RNF17: variants seen among roughly 807,000 people sequenced by gnomAD.
RNF17 encodes ring finger protein 17, also known as spermatogenesis associated 23.
Under a neutral mutation model 200.5 loss-of-function variants are expected in RNF17, and 31 were observed. The ratio of observed to expected loss-of-function variants is 0.15; its 90% confidence interval spans 0.12 to 0.21. The LOEUF is 0.21. Ranked by LOEUF, RNF17 falls within the 10% of genes least tolerant of loss-of-function variation. The probability of loss-of-function intolerance (pLI) is 1.00; values close to 1 mark genes in which losing one functional copy is unlikely to be tolerated. For missense variants in RNF17, 1,628 were observed against 1,905.1 expected (o/e 0.85, Z 2.71); for synonymous variants, 606 against 637.8 (o/e 0.95, Z 0.75).
rs975079269 is a variant in RNF17, at chr13:24,816,802, C to G, written c.2092-8817C>G. ...CCACGAGGGCATCTGCTAGTATAAA[C>G]AAGTTTCCTGTGAGACATACACTTG... On this transcript the variant is annotated intron_variant, in intron 15 of 35. Transcript: ENST00000255324. Among the ~76,000 whole-genome samples, 4 of 152,182 alleles carry G rather than the reference C, an allele frequency of 2.6e-5. No individual in the cohort carries two copies. The South Asian group carries it at 8.3e-4, about 32-fold the overall frequency.
chr13:24,834,913 C>G (rs1246765162), intron 18 of RNF17, among the ~76,000 whole-genome samples: 3 of 152,156 alleles, frequency 2.0e-5, no homozygotes, highest in Non-Finnish European at 2.9e-5. Context: ...AGCTGGGAGG[C>G]AGATAGCCTG....
chr13:24,869,815 G>A (rs1894053820), intron 31 of RNF17, among the ~76,000 whole-genome samples: 1 of 152,068 alleles, frequency 6.6e-6, no homozygotes, highest in South Asian at 2.1e-4. Flanking sequence ...ATCCAGGCTG[G>A]AGAGTGCAGT....
chr13:24,752,719 G>A, the RNF17 span, among the ~76,000 whole-genome samples: 1 of 152,254 alleles, frequency 6.6e-6, no homozygotes, highest in Non-Finnish European at 1.5e-5. Context: ...GAGCTCAGGT[G>A]GTAATGCTCG....
intron 2 of RNF17, among the ~76,000 whole-genome samples, chr13:24,773,614 T>C (rs1228878708): frequency 1.3e-5 from 2 of 152,102 alleles, no homozygotes; most frequent in Non-Finnish European, 2.9e-5. Flanking sequence ...GTTTGGGTCA[T>C]GGGATCAACA....
At chr13:24,877,300 C>A in intron 34 of RNF17, 114 bp downstream of exon 34, 2 of 755,996 alleles carry the variant, frequency 2.6e-6, no homozygotes, top group East Asian at 2.8e-5. Flanking sequence ...GCATATACAG[C>A]TATATAGGAT....
chr13:24,803,080 A>G (rs1593290318), intron 14 of RNF17, among the ~76,000 whole-genome samples: 1 of 152,150 alleles, frequency 6.6e-6, no homozygotes, highest in East Asian at 1.9e-4. Context: ...GAAAAATTAG[A>G]GAAATTAAGG....
chr13:24,882,806 A>G (rs1049667034), downstream of RNF17: 1 of 253,558 alleles, frequency 3.9e-6, no homozygotes, highest in Non-Finnish European at 7.7e-6. Context: ...CACCTTCTGT[A>G]CAAGTCCAGT....
chr13:24,848,250 C>T (rs1396893260), intron 22 of RNF17, among the ~76,000 whole-genome samples: 1 of 151,364 alleles, frequency 6.6e-6, no homozygotes, highest in Non-Finnish European at 1.5e-5. Flanking sequence ...ACTCTAACCA[C>T]TCTGTTTTAC....
rs1368675806 is a variant in RNF17 at position 24,835,886 on chromosome 13, G to A, written c.2482+3908G>A. ...TATTAAGCTAATCAGGGAGAAAGGC[G>A]AAGCCCAATGCAAGGAAATCCAAAA... On this transcript the variant is annotated intron_variant, in intron 18 of 35. Coordinates refer to ENST00000255324, the MANE Select transcript of RNF17 (RefSeq NM_031277.3). 3.9e-5 allele frequency among the ~76,000 whole-genome samples: 6 copies of A among 152,172 alleles called. No individual in the cohort carries two copies. In the South Asian group the frequency reaches 6.2e-4, roughly 16 times the overall value.
intron 33 of RNF17, among the ~76,000 whole-genome samples, chr13:24,875,733 G>A (rs115797347): frequency 9.2e-4 from 140 of 152,328 alleles, no homozygotes; most frequent in African/African-American, 3.1e-3. Flanking sequence ...AGCAAGAGGC[G>A]GAAGTGGTCC....
intron 18 of RNF17, among the ~76,000 whole-genome samples, chr13:24,832,280 G>A (rs7991345): frequency 0.42 from 63,247 of 152,020 alleles, 13,197 homozygotes; most frequent in Admixed American, 0.45. Context: ...CCTTAACATA[G>A]TGGATGCTAA....
rs755220371 is a variant in RNF17 at position 24,789,663 on chromosome 13, A to C, written c.861-35A>C. 14 of 1,303,804 alleles carry C rather than the reference A, an allele frequency of 1.1e-5. No homozygotes were observed. The Admixed American group carries it at 2.4e-4, about 23-fold the overall frequency. 80.8% of individuals were successfully genotyped at this position (1,303,804 alleles called of 1,614,324 possible). A position where few individuals can be genotyped will look rare whatever the true frequency, so the allele number is the denominator to read the frequency against. On this transcript the variant is annotated intron_variant, in intron 8 of 35. Transcript: ENST00000255324. The stretch of plus-strand genomic sequence containing the variant: ...CTAGAGAACATGATACATTTGTATT[A>C]GAACATTTATGTATATGTTAATGTT...
intron 25 of RNF17, among the ~76,000 whole-genome samples, chr13:24,856,335 G>T (rs1260526745): frequency 6.7e-6 from 1 of 149,098 alleles, no homozygotes; most frequent in African/African-American, 2.5e-5. Context: ...CAGAAGAATC[G>T]TTTGAACCTG....
intron 16 of RNF17, among the ~76,000 whole-genome samples, chr13:24,829,657 G>A (rs1345711849): frequency 6.6e-6 from 1 of 152,130 alleles, no homozygotes; most frequent in East Asian, 1.9e-4. Flanking sequence ...GAGAATACTG[G>A]ATTTTTTTGC....
At chr13:24,810,236 TG>T (rs1378226708) in intron 15 of RNF17, among the ~76,000 whole-genome samples, 1 of 148,870 alleles carries the variant, frequency 6.7e-6, no homozygotes, top group Non-Finnish European at 1.5e-5. Flanking sequence ...ATGTTGACAG[TG>T]GGGTGTTAAA....
rs2137612747 is a variant in RNF17 at position 24,788,041 on chromosome 13, A to C, written c.665A>C (p.Asn222Thr). Residue 222 changes from asparagine to threonine, a missense_variant, in exon 7 of 36, where the codon AAT becomes ACT. Coordinates refer to ENST00000255324, the MANE Select transcript of RNF17 (RefSeq NM_031277.3). ...AGAACTACTGATGATTATCTATCAA[A>C]TTTAATAAAGGCTAAAAGCTACATT... ...FARTTDDYLS[N>T]LIKAKSYIEE... The C allele has an allele frequency of 6.3e-7, 1 of 1,590,430 alleles. No individual in the cohort carries two copies. The highest frequency in any genetic ancestry group is 1.9e-5 in the Admixed American group (1 of 52,388).
chr13:24,756,919 T>A, the RNF17 span, among the ~76,000 whole-genome samples: 1 of 152,268 alleles, frequency 6.6e-6, no homozygotes, highest in African/African-American at 2.4e-5. Context: ...AACAAGGACT[T>A]GGAAGACACA....
chr13:24,870,052 C>T (rs996929675), intron 31 of RNF17, among the ~76,000 whole-genome samples: 1 of 151,660 alleles, frequency 6.6e-6, no homozygotes, highest in African/African-American at 2.4e-5. Context: ...CACCATTCTC[C>T]CACCTCAGCC....
In RNF17 at chr13:24,821,635, TATTGA is replaced by T. The variant is rs1888065801; in HGVS notation, c.2092-3980_2092-3976del. ...ACTCAATGCTGCTTTTGAACCCCTC[TATTGA>T]ATTTTTTCTCCTTAGTTATTATACT... On this transcript the variant is annotated intron_variant, in intron 15 of 35. Coordinates refer to ENST00000255324, the MANE Select transcript of RNF17 (RefSeq NM_031277.3). Among the ~76,000 whole-genome samples, 16 of 152,282 alleles carry T rather than the reference TATTGA, an allele frequency of 1.1e-4. No homozygotes were observed. In the South Asian group the frequency reaches 3.3e-3, roughly 32 times the overall value.
Sources: allele counts gnomAD v4.1 joint callset (sites outside exome capture counted in the v4.1 genomes callset), GRCh38; gene constraint gnomAD v4.1.1; transcripts MANE v1.5; gene names NCBI Gene and HGNC (gene_info 2026-07-23, HGNC 2026-07-21).